CLXN: variants seen among roughly 807,000 people sequenced by gnomAD.
CLXN encodes EF-hand calcium binding domain 1.
the CLXN span, chr8:48,729,911 A>G: frequency 4.0e-5 from 63 of 1,570,904 alleles, 1 homozygote; most frequent in Middle Eastern, 1.7e-4. Context: ...TGATGCTATC[A>G]GTAAGGTAAT....
At chr8:48,718,119 A>G in the CLXN span, among the ~76,000 whole-genome samples, 1 of 152,150 alleles carries the variant, frequency 6.6e-6, no homozygotes, top group African/African-American at 2.4e-5. Context: ...CACATATAGG[A>G]GGAAAGTTAA....
At chr8:48,730,014 G>T in the CLXN span, 1 of 623,196 alleles carries the variant, frequency 1.6e-6, no homozygotes. Context: ...AAGTGTCAAC[G>T]TATACTAGGA....
the CLXN span, among the ~76,000 whole-genome samples, chr8:48,726,486 A>ATCCG: frequency 1.0e-4 from 14 of 134,690 alleles, no homozygotes; most frequent in East Asian, 1.8e-3. Context: ...CCATCCATTC[A>ATCCG]TCCATCCATC....
chr8:48,728,062 G>A, the CLXN span, among the ~76,000 whole-genome samples: 9 of 152,036 alleles, frequency 5.9e-5, no homozygotes, highest in South Asian at 2.1e-4. Context: ...TTGAGTAGGC[G>A]GCAGGAGACA....
chr8:48,710,820 G>A, the CLXN span: 2 of 152,162 alleles, frequency 1.3e-5, no homozygotes, highest in Non-Finnish European at 2.9e-5. Flanking sequence ...TTAATTTGTG[G>A]AGTAATTCAT....
chr8:48,720,170 C>T, the CLXN span, among the ~76,000 whole-genome samples: 1 of 152,162 alleles, frequency 6.6e-6, no homozygotes, highest in South Asian at 2.1e-4. Context: ...AATTGTAAAA[C>T]ATGTGTGTTT....
At chr8:48,712,843 A>T in the CLXN span, among the ~76,000 whole-genome samples, 5 of 152,060 alleles carry the variant, frequency 3.3e-5, no homozygotes, top group African/African-American at 1.2e-4. Context: ...TACTAAAAGT[A>T]CAAAAAATTA....
chr8:48,714,095 C>G, the CLXN span: 1 of 152,294 alleles, frequency 6.6e-6, no homozygotes, highest in East Asian at 1.9e-4. Context: ...CCCCGACAAA[C>G]CCAGGCAAAG....
chr8:48,721,260 G>A, the CLXN span, among the ~76,000 whole-genome samples: 4 of 151,636 alleles, frequency 2.6e-5, no homozygotes, highest in African/African-American at 9.7e-5. Flanking sequence ...AGAGGTGAAA[G>A]TCTTATACAC....
the CLXN span, chr8:48,724,609 A>G: frequency 3.2e-6 from 2 of 620,972 alleles, no homozygotes; most frequent in African/African-American, 1.9e-5. Flanking sequence ...GTTAAATGAT[A>G]TATGTAAGTG....
chr8:48,714,084 C>G, the CLXN span: 3 of 152,196 alleles, frequency 2.0e-5, no homozygotes, highest in South Asian at 2.1e-4. Context: ...CTAACCCACC[C>G]CCCCGACAAA....
At chr8:48,712,026 A>T in the CLXN span, among the ~76,000 whole-genome samples, 1 of 152,242 alleles carries the variant, frequency 6.6e-6, no homozygotes, top group African/African-American at 2.4e-5. Flanking sequence ...AATTTAATTT[A>T]TTCCATTTTC....
the CLXN span, chr8:48,714,882 AT>A: frequency 6.6e-6 from 1 of 152,236 alleles, no homozygotes; most frequent in African/African-American, 2.4e-5. Flanking sequence ...CAGTATTAGA[AT>A]TATTTATAAT....
the CLXN span, chr8:48,731,221 T>C: frequency 1.1e-6 from 1 of 922,820 alleles, no homozygotes; most frequent in Non-Finnish European, 1.5e-6. Flanking sequence ...AAATTAAATT[T>C]GTATATTCCA....
chr8:48,732,691 A>G, the CLXN span, among the ~76,000 whole-genome samples: 1 of 152,162 alleles, frequency 6.6e-6, no homozygotes. Flanking sequence ...ATCATTCACA[A>G]CAGTCAAAAG....
the CLXN span, chr8:48,723,502 T>C: frequency 1.3e-5 from 2 of 152,254 alleles, no homozygotes; most frequent in Non-Finnish European, 2.9e-5. Flanking sequence ...AATGCATATG[T>C]AGTAAGAAAG....
the CLXN span, chr8:48,724,856 C>G: frequency 5.5e-6 from 8 of 1,449,506 alleles, no homozygotes; most frequent in Admixed American, 3.5e-5. Flanking sequence ...TAGAACACCA[C>G]AAAATATTCT....
chr8:48,712,269 G>C, the CLXN span: 1 of 152,504 alleles, frequency 6.6e-6, no homozygotes, highest in Admixed American at 6.5e-5. Context: ...TCAGGGAGCA[G>C]GCTGCTTAGG....
chr8:48,731,484 GTTCAC>G, the CLXN span: 3 of 1,604,664 alleles, frequency 1.9e-6, no homozygotes, highest in Non-Finnish European at 2.5e-6. Flanking sequence ...TTATAAGACA[GTTCAC>G]TTCAAATTTA....
Sources: allele counts gnomAD v4.1 joint callset (sites outside exome capture counted in the v4.1 genomes callset), GRCh38; gene constraint gnomAD v4.1.1; transcripts MANE v1.5; gene names NCBI Gene and HGNC (gene_info 2026-07-23, HGNC 2026-07-21).